LSS: variants seen among roughly 807,000 people sequenced by gnomAD.
LSS encodes the protein 2,3-epoxysqualene-lanosterol cyclase.
A neutral mutation model predicts 110.3 loss-of-function variants in LSS; 90 were observed. The ratio of observed to expected loss-of-function variants is 0.82; its 90% CI spans 0.69 to 0.97. The LOEUF (loss-of-function observed/expected upper bound fraction) is 0.97, where lower values mean the gene tolerates loss of function less well. Ranked by LOEUF, LSS falls within the 50% of genes least tolerant of loss-of-function variation. The pLI is 0.00. For synonymous variants in LSS, 433 were observed against 400.0 expected (o/e 1.08, Z -0.98); for missense variants, 927 against 990.0 (o/e 0.94, Z 0.85).
At chr21:46,225,085 T>C (rs139806871) in intron 3 of LSS, 7,013 of 154,874 alleles carry the variant, frequency 0.045, 226 homozygotes, top group Non-Finnish European at 0.068. Context: ...TATAATAAAA[T>C]ATATAAAACA....
Position 46,207,852 on chromosome 21 carries a change from A to T in LSS, c.1318-275T>A, listed in dbSNP as rs569052708. On this transcript the variant is annotated intron_variant, in intron 14 of 21. Coordinates refer to ENST00000397728, the MANE Select transcript of LSS (RefSeq NM_002340.6). ...TGGGGCCCAGGTGCCCCCCACCCCC[A>T]TTGTAAACAGGCAGCAGCAGCTGGG... Among the ~76,000 whole-genome samples the T allele has an allele frequency of 2.1e-3, 316 of 152,214 alleles. 3 individuals are homozygous for T. The highest frequency in any genetic ancestry group is 7.4e-3 in the African/African-American group (306 of 41,544).
rs2080098770 is a variant in LSS at position 46,209,479 on chromosome 21, G to A, written c.1266+75C>T. 4.4e-6 allele frequency: 6 copies of A among 1,351,308 alleles called. No homozygotes were observed. The highest frequency in any genetic ancestry group is 6.1e-6 in the Non-Finnish European group (6 of 980,686). 83.7% of individuals were successfully genotyped at this position (1,351,308 alleles called of 1,614,324 possible). ...ATAGGGCAGGGTGGAGGTGAGGTGG[G>A]CACTTCTGCCTGCAGGAGCTCCCAG... On this transcript the variant is annotated intron_variant, in intron 13 of 21. Transcript: ENST00000397728. This position sits in a 1 kb window ranked among gnomAD's most constrained non-coding sequence, Gnocchi z 4.4.
Position 46,206,641 on chromosome 21 carries a change from T to G in LSS, c.1564+31A>C, listed in dbSNP as rs372044895. ...ACCACAGTGCTAGCCAGCCCCGGGTTTGCGCGCCGCAGTGCTGGCCGACCA... is the reference window on the plus strand; with the variant it reads ...ACCACAGTGCTAGCCAGCCCCGGGTGTGCGCGCCGCAGTGCTGGCCGACCA... On this transcript the variant is annotated intron_variant, in intron 16 of 21. Transcript: ENST00000397728. 19 of 1,584,308 alleles carry G rather than the reference T, an allele frequency of 1.2e-5. No individual in the cohort carries two copies. The African/African-American group carries it at 2.6e-4, about 21-fold the overall frequency.
Position 46,221,883 on chromosome 21 carries a change from A to T in LSS, c.521T>A (p.Val174Glu). ...CTTGTGAAGAATGTTCCGGGCTCGT[A>T]CCAGGTCAGGATCGTCAGGCCCAAC... is the stretch of plus-strand genomic sequence containing the variant. ...LGVGPDDPDLVRARNILHKKG... is the reference protein window; with the variant it reads ...LGVGPDDPDLERARNILHKKG... Residue 174 changes from valine (V) to glutamate (E), a missense_variant, in exon 5 of 22, where the codon GTA (valine) becomes GAA (glutamate). Transcript: ENST00000397728. The T allele has an allele frequency of 6.2e-7, 1 of 1,614,106 alleles. No individual in the cohort carries two copies. Among genetic ancestry groups the T allele is most frequent in the Non-Finnish European group, 8.5e-7 (1 of 1,180,002 alleles).
rs894339528 is a variant in LSS, at chr21:46,209,335, A to C, written c.1266+219T>G. Reference sequence around the variant, plus strand: ...CGCAGAAACTGCCAGCACCCCCAGCACCCTGCAGGCCTCAGAGAGCTGCCC... The same window carrying C: ...CGCAGAAACTGCCAGCACCCCCAGCCCCCTGCAGGCCTCAGAGAGCTGCCC... On this transcript the variant is annotated intron_variant, in intron 13 of 21. Coordinates refer to ENST00000397728, the MANE Select transcript of LSS (RefSeq NM_002340.6). The surrounding 1 kb of genome is among the most constrained non-coding windows in gnomAD (Gnocchi z 4.4). 2.1e-5 allele frequency among the ~76,000 whole-genome samples: 3 copies of C among 145,174 alleles called. No individual in the cohort carries two copies. Among genetic ancestry groups the C allele is most frequent in the Non-Finnish European group, 4.6e-5 (3 of 65,836 alleles).
Position 46,221,925 on chromosome 21 carries a change from G to C in LSS, c.479C>G (p.Ser160Cys). The part of the protein sequence containing the change: ...TVFGTALNYV[S>C]LRILGVGPDD... The stretch of plus-strand genomic sequence containing the variant: ...AGGCCCAACACCCAGAATTCTGAGA[G>C]ACACATAGTTGAGCGCAGTCCCAAA... Residue 160 changes from serine to cysteine, a missense_variant, in exon 5 of 22, where the codon TCT (serine) becomes TGT (cysteine). Transcript: ENST00000397728. The C allele has an allele frequency of 3.1e-6, 5 of 1,614,180 alleles. No individual in the cohort carries two copies. The highest frequency in any genetic ancestry group is 1.3e-5 in the African/African-American group (1 of 75,042).
In LSS at chr21:46,194,255, T is replaced by C. The variant is rs79223895; in HGVS notation, c.1988+236A>G. 0.041 allele frequency among the ~76,000 whole-genome samples: 6,168 copies of C among 152,226 alleles called. 175 individuals carry two copies. Among genetic ancestry groups the C allele is most frequent in the Non-Finnish European group, 0.063 (4,269 of 67,986 alleles). On this transcript the variant is annotated intron_variant, in intron 20 of 21. Transcript: ENST00000397728. ...CACTGACATGGCTAATGGTGGGTGG[T>C]TCACTTCTAAGAGGCGAGCCTCTCT...
chr21:46,205,047 A>ATACCCTATAACG (rs1187862864), intron 17 of LSS, among the ~76,000 whole-genome samples: 1 of 152,234 alleles, frequency 6.6e-6, no homozygotes, highest in Admixed American at 6.5e-5. Flanking sequence ...CAAAAATCAC[A>ATACCCTATAACG]TACCCTATAA....
intron 17 of LSS, among the ~76,000 whole-genome samples, chr21:46,203,701 C>T (rs75532052): frequency 0.05 from 7,635 of 152,310 alleles, 584 homozygotes; most frequent in African/African-American, 0.17. Context: ...ACACAGTGCC[C>T]TCCTAGCTGC....
At chr21:46,195,118 G>A (rs578048899) in intron 19 of LSS, among the ~76,000 whole-genome samples, 2 of 152,278 alleles carry the variant, frequency 1.3e-5, no homozygotes, top group African/African-American at 4.8e-5. Context: ...CCGCTCCAGC[G>A]AGGCCGTGGA....
At chr21:46,197,249 T>C (rs1783075927) in intron 17 of LSS, among the ~76,000 whole-genome samples, 1 of 152,252 alleles carries the variant, frequency 6.6e-6, no homozygotes, top group African/African-American at 2.4e-5. Context: ...AAGAAAGTTT[T>C]ATGTATTACA....
At chr21:46,204,622 C>CAA (rs771351927) in intron 17 of LSS, among the ~76,000 whole-genome samples, 1 of 138,018 alleles carries the variant, frequency 7.2e-6, no homozygotes, top group Non-Finnish European at 1.6e-5. Flanking sequence ...GAACCCATCT[C>CAA]AAAAAAAAAA....
rs1378055641 is a variant in LSS, at chr21:46,196,232, C to T, written c.1706G>A (p.Arg569Gln). Residue 569 changes from arginine (R) to glutamine (Q), a missense_variant, in exon 18 of 22, where the codon CGG (arginine) becomes CAG (glutamine). By Grantham distance (43) the Arg-to-Gln change is conservative. Transcript: ENST00000397728. ...CCAGGAGCCATCGGCCCTCTGCTGC[C>T]GCCGACAGAACTCTAAGCCCTGCGT... ...TLTQGLEFCR[R>Q]QQRADGSWEG... 1.4e-5 allele frequency: 23 copies of T among 1,614,154 alleles called. No individual in the cohort carries two copies. Among genetic ancestry groups the T allele is most frequent in the South Asian group, 5.5e-5 (5 of 91,086 alleles).
chr21:46,206,053 CG>C, intron 16 of LSS, 112 bp from the exon 17 acceptor site: 1 of 771,608 alleles, frequency 1.3e-6, no homozygotes, highest in Non-Finnish European at 2.1e-6. Context: ...CGGGCCCGGA[CG>C]CTGCCTCCCT....
At chr21:46,213,118 C>T (rs2080155905) in intron 10 of LSS, 66 bp from the exon 11 acceptor site, 5 of 1,509,482 alleles carry the variant, frequency 3.3e-6, no homozygotes, top group East Asian at 2.3e-5. Context: ...GCTACCCAGA[C>T]CCTGCACTCA....
chr21:46,216,526 T>G lies in LSS; in HGVS notation c.648-2A>C. 6.3e-7 allele frequency: 1 copy of G among 1,598,652 alleles called. No individual in the cohort carries two copies. On this transcript the variant is annotated splice_acceptor_variant, in intron 6 of 21. Transcript: ENST00000397728. LOFTEE classifies it high-confidence loss of function. This position sits in a 1 kb window ranked among gnomAD's most constrained non-coding sequence, Gnocchi z 4.2. ...GCCGGTGCCCAGTCAGGAAACAGCC[T>G]GGGGCAACAGCAGGAGTCAGTGGGA...
intron 13 of LSS, among the ~76,000 whole-genome samples, chr21:46,208,635 C>G (rs376314652): frequency 1.7e-4 from 26 of 152,342 alleles, no homozygotes; most frequent in East Asian, 1.2e-3. Flanking sequence ...GTGCTCTGTG[C>G]CAGGCGCCCC....
At chr21:46,212,986 T>G (rs1221581629) in intron 11 of LSS, 39 bp downstream of exon 11, 5 of 1,613,156 alleles carry the variant, frequency 3.1e-6, no homozygotes, top group South Asian at 1.1e-5. Flanking sequence ...GAGACATGAT[T>G]GCAAAGGAAG....
At position 46,216,375 on chromosome 21, in the gene LSS, T is replaced by C. The variant is rs950676778; in HGVS notation, c.783+14A>G. ...CCCCAGAGGCCTTCACTTTGTTCCC[T>C]GATGAGGTCCTACCTGGCGGAGGCT... is the stretch of plus-strand genomic sequence containing the variant. On this transcript the variant is annotated intron_variant, in intron 7 of 21. Coordinates refer to ENST00000397728, the MANE Select transcript of LSS (RefSeq NM_002340.6). The surrounding 1 kb of genome is among the most constrained non-coding windows in gnomAD (Gnocchi z 4.2). 8 of 1,613,460 alleles carry C rather than the reference T, an allele frequency of 5.0e-6. No homozygotes were observed. Among genetic ancestry groups the C allele is most frequent in the African/African-American group, 2.7e-5 (2 of 74,926 alleles).
Sources: allele counts gnomAD v4.1 joint callset (sites outside exome capture counted in the v4.1 genomes callset), GRCh38; gene constraint gnomAD v4.1.1; non-coding constraint Gnocchi (gnomAD v3.1); transcripts MANE v1.5; gene names NCBI Gene and HGNC (gene_info 2026-07-23, HGNC 2026-07-21).